The following FBN1 variants were observed in gnomAD, a reference collection of about 807,000 sequenced individuals.
FBN1 encodes fibrillin 1.
FBN1 carries 29 observed loss-of-function variants against 365.1 expected under a neutral mutation model. The observed-to-expected ratio is 0.08, with a 90% CI of 0.06 to 0.11. FBN1 has a LOEUF of 0.11. Among genes scored for constraint, FBN1 ranks in the 10% least tolerant of loss-of-function variants. The pLI, the probability that FBN1 is intolerant of heterozygous loss-of-function variation, is 1.00. For missense variants in FBN1, 2,476 were observed against 3,703.2 expected, an observed-to-expected ratio of 0.67 and a Z score of 8.60; for synonymous variants, 1,210 against 1,270.5, an observed-to-expected ratio of 0.95 and a Z score of 1.01.
chr15:48,486,633 C>A (rs1267105304), intron 29 of FBN1, among the ~76,000 whole-genome samples: 1 of 152,206 alleles, frequency 6.6e-6, no homozygotes, highest in Non-Finnish European at 1.5e-5. Context: ...CTGATCTAAA[C>A]CACATAAGGG....
Position 48,483,939 on chromosome 15 carries a change from G to T in FBN1, c.3717C>A (p.Ile1239=). The change falls in exon 31 of 66, where the codon ATC becomes ATA. Residue 1239 remains isoleucine (I), a synonymous_variant. Transcript: ENST00000316623. The stretch of plus-strand genomic sequence containing the variant: ...TATTGGGATTATCTTCACACTCATC[G>T]ATGTCTGCAAAGAATAAAACCAACA... ...LMPDQRSCTD[I]DECEDNPNIC... is the part of the protein sequence containing the mutation. 1.9e-6 allele frequency: 3 copies of T among 1,612,656 alleles called. No individual in the cohort carries two copies. The highest frequency in any genetic ancestry group is 2.5e-6 in the Non-Finnish European group (3 of 1,179,898).
intron 50 of FBN1, among the ~76,000 whole-genome samples, chr15:48,438,367 A>G (rs2141242109): frequency 6.6e-6 from 1 of 152,288 alleles, no homozygotes; most frequent in African/African-American, 2.4e-5. Flanking sequence ...GTGATATCAC[A>G]CTTTGTGGTT....
chr15:48,569,985 A>G (rs1047000494), intron 6 of FBN1, among the ~76,000 whole-genome samples: 1 of 150,458 alleles, frequency 6.6e-6, no homozygotes, highest in African/African-American at 2.4e-5. Flanking sequence ...TGCTTTTTTG[A>G]AAAAAAAAAT....
Position 48,610,851 on chromosome 15 carries a change from A to G in FBN1, c.248-25T>C, listed in dbSNP as rs370942501. The G allele has an allele frequency of 1.6e-5, 26 of 1,594,740 alleles. No individual in the cohort carries two copies. The Middle Eastern group carries it at 2.5e-3, about 152-fold the overall frequency. On this transcript the variant is annotated intron_variant, in intron 3 of 65. Coordinates refer to ENST00000316623, the MANE Select transcript of FBN1 (RefSeq NM_000138.5). ...GCTGTGAATAAACCAGAGGTCTGTT[A>G]GCACATGGATTTGGAACACGATTTG... is the stretch of plus-strand genomic sequence containing the variant.
chr15:48,416,642 C>T (rs942961811), intron 63 of FBN1: 1 of 152,140 alleles, frequency 6.6e-6, no homozygotes, highest in Non-Finnish European at 1.5e-5. Context: ...AGAAATCTTA[C>T]TTTAAAAAAA....
intron 6 of FBN1, among the ~76,000 whole-genome samples, chr15:48,547,720 TTCACAC>T (rs2044105674): frequency 1.5e-5 from 1 of 68,304 alleles, no homozygotes; most frequent in Non-Finnish European, 3.3e-5. Flanking sequence ...TCTTCTCTCT[TTCACAC>T]ACACACACAC....
chr15:48,512,251 G>C (rs891402645), intron 13 of FBN1, among the ~76,000 whole-genome samples: 18 of 152,178 alleles, frequency 1.2e-4, no homozygotes, highest in Admixed American at 2.0e-4. Flanking sequence ...TTTGCTAAAA[G>C]AGGCAAATAA....
intron 24 of FBN1, among the ~76,000 whole-genome samples, chr15:48,491,293 T>C (rs1051545864): frequency 5.9e-5 from 9 of 152,078 alleles, no homozygotes; most frequent in East Asian, 1.9e-4. Context: ...GGTTTGTTAA[T>C]TCTAATTCGT....
chr15:48,566,789 T>C (rs922632115), intron 6 of FBN1, among the ~76,000 whole-genome samples: 2 of 152,216 alleles, frequency 1.3e-5, no homozygotes, highest in South Asian at 2.1e-4. Flanking sequence ...GAAAAACAAC[T>C]GATATCTAGA....
At chr15:48,476,223 G>C (rs2043417242) in intron 32 of FBN1, among the ~76,000 whole-genome samples, 2 of 152,182 alleles carry the variant, frequency 1.3e-5, no homozygotes, top group African/African-American at 4.8e-5. Flanking sequence ...CCCAAGCAGG[G>C]CTGTCGAAAC....
chr15:48,626,710 T>G (rs1034476564), intron 2 of FBN1, among the ~76,000 whole-genome samples: 1 of 151,458 alleles, frequency 6.6e-6, no homozygotes, highest in Non-Finnish European at 1.5e-5. Context: ...AAACTTAAGT[T>G]TTTTTTTTAA....
intron 48 of FBN1, 119 bp from the exon 49 acceptor site, chr15:48,444,779 T>C: frequency 8.8e-7 from 1 of 1,132,420 alleles, no homozygotes; most frequent in Non-Finnish European, 1.3e-6. Context: ...TTAAAGTTCA[T>C]AAAATTCCAC....
chr15:48,608,597 G>C (rs1317402612), intron 4 of FBN1, among the ~76,000 whole-genome samples: 2 of 152,164 alleles, frequency 1.3e-5, no homozygotes, highest in African/African-American at 2.4e-5. Flanking sequence ...CAATTTTAAA[G>C]ATTTCAAGTA....
In FBN1 at chr15:48,644,961, G is replaced by A; in HGVS notation, c.-181-11C>T. ...GGCGGCCCCTGCCAGCTGCAACACA[G>A]AGACAAATCCCCGAGGCGGGGAGAC... On this transcript the variant is annotated splice_polypyrimidine_tract_variant and intron_variant, in intron 1 of 65. Coordinates refer to ENST00000316623, the MANE Select transcript of FBN1 (RefSeq NM_000138.5). 1 of 417,172 alleles carries A rather than the reference G, an allele frequency of 2.4e-6. No individual in the cohort carries two copies. 25.8% of individuals were successfully genotyped at this position (417,172 alleles called of 1,614,324 possible). A position where few individuals can be genotyped will look rare whatever the true frequency, so the allele number is the denominator to read the frequency against.
At chr15:48,457,713 A>G (rs1270721766) in intron 43 of FBN1, among the ~76,000 whole-genome samples, 1 of 152,152 alleles carries the variant, frequency 6.6e-6, no homozygotes, top group African/African-American at 2.4e-5. Context: ...TTGCTGCATG[A>G]CTGGTACATT....
At chr15:48,618,124 G>A (rs1205896668) in intron 2 of FBN1, among the ~76,000 whole-genome samples, 1 of 151,944 alleles carries the variant, frequency 6.6e-6, no homozygotes. Context: ...TATAAATCTG[G>A]AGGGGATCAA....
intron 31 of FBN1, among the ~76,000 whole-genome samples, chr15:48,483,020 T>C (rs1597559717): frequency 6.6e-6 from 1 of 152,184 alleles, no homozygotes; most frequent in Non-Finnish European, 1.5e-5. Flanking sequence ...CAGAACAAAG[T>C]TCAAAAATAT....
chr15:48,523,930 C>T (rs1840615144), intron 9 of FBN1, among the ~76,000 whole-genome samples: 1 of 152,078 alleles, frequency 6.6e-6, no homozygotes, highest in African/African-American at 2.4e-5. Flanking sequence ...ATCACTTGGC[C>T]CTTATTCTCA....
At chr15:48,478,408 T>C (rs2043439847) in intron 32 of FBN1, among the ~76,000 whole-genome samples, 1 of 152,196 alleles carries the variant, frequency 6.6e-6, no homozygotes, top group South Asian at 2.1e-4. Context: ...TAGTTTCCAA[T>C]ATGGAATTAC....
Sources: allele counts gnomAD v4.1 joint callset (sites outside exome capture counted in the v4.1 genomes callset), GRCh38; gene constraint gnomAD v4.1.1; transcripts MANE v1.5; gene names NCBI Gene and HGNC (gene_info 2026-07-23, HGNC 2026-07-21).